Variants in TIAM2 observed in about 807,000 individuals in gnomAD.
TIAM2 encodes the protein rho guanine nucleotide exchange factor TIAM2.
A neutral mutation model predicts 152.9 loss-of-function variants in TIAM2; 80 were observed. The ratio of observed to expected loss-of-function variants is 0.52; its 90% CI spans 0.44 to 0.63. TIAM2 has a LOEUF of 0.63. TIAM2 is among the 30% of genes least tolerant of loss of function. The probability of loss-of-function intolerance (pLI) is 0.00; values close to 1 mark genes in which losing one functional copy is unlikely to be tolerated. For missense variants in TIAM2, 1,965 were observed against 2,120.1 expected (o/e 0.93, Z 1.44); for synonymous variants, 804 against 838.0 (o/e 0.96, Z 0.70).
chr6:155,012,884 C>T (rs898697647), intron 1 of TIAM2, among the ~76,000 whole-genome samples: 4 of 152,236 alleles, frequency 2.6e-5, no homozygotes, highest in African/African-American at 9.6e-5. Context: ...TAAAAACAGA[C>T]ATCTTAAAAT....
Position 155,112,194 on chromosome 6 carries a change from C to T in TIAM2, c.-117-15296C>T, listed in dbSNP as rs183675820. On this transcript the variant is annotated intron_variant, in intron 2 of 26. Transcript: ENST00000682666. The stretch of plus-strand genomic sequence containing the variant: ...AGGCTGGACTGCAGTGATGCGATCT[C>T]GGCTCACTGCAACCTCCGCCTCCCA... 2.7e-3 allele frequency among the ~76,000 whole-genome samples: 400 copies of T among 148,046 alleles called. 5 individuals carry two copies. Among genetic ancestry groups the T allele is most frequent in the Admixed American group, 0.011 (167 of 14,624 alleles).
chr6:155,080,593 C>T (rs1277908299), intron 1 of TIAM2, among the ~76,000 whole-genome samples: 1 of 151,966 alleles, frequency 6.6e-6, no homozygotes, highest in Non-Finnish European at 1.5e-5. Context: ...GTGTGCGCCA[C>T]CATGCCCAGC....
chr6:155,049,170 AACCTAGCT>A (rs1422077413), intron 1 of TIAM2, among the ~76,000 whole-genome samples: 5 of 152,044 alleles, frequency 3.3e-5, no homozygotes, highest in African/African-American at 1.2e-4. Flanking sequence ...CTTTGATTCG[AACCTAGCT>A]ACCAAATGCA....
chr6:155,004,048 T>C (rs1041478514), intron 1 of TIAM2, among the ~76,000 whole-genome samples: 4 of 152,226 alleles, frequency 2.6e-5, no homozygotes, highest in African/African-American at 7.2e-5. Context: ...CTTTGCTTTT[T>C]GTATTTTTAG....
chr6:155,170,803 C>G (rs769120327), intron 9 of TIAM2, among the ~76,000 whole-genome samples: 3 of 152,108 alleles, frequency 2.0e-5, no homozygotes, highest in Non-Finnish European at 4.4e-5. Flanking sequence ...TGTTTTACTC[C>G]TATTTGTTTT....
intron 1 of TIAM2, among the ~76,000 whole-genome samples, chr6:155,047,244 T>A (rs1777196344): frequency 6.6e-6 from 1 of 152,192 alleles, no homozygotes; most frequent in Non-Finnish European, 1.5e-5. Context: ...AGTGGCACGA[T>A]CTTAGCTCAC....
chr6:155,206,909 G>A (rs71575023), intron 14 of TIAM2, among the ~76,000 whole-genome samples: 3,629 of 152,304 alleles, frequency 0.024, 58 homozygotes, highest in Non-Finnish European at 0.042. Flanking sequence ...ATTGGCCAGA[G>A]GCTTTTTCTG....
At chr6:155,217,021 C>T (rs1038894152) in intron 15 of TIAM2, 42 of 1,283,478 alleles carry the variant, frequency 3.3e-5, no homozygotes, top group African/African-American at 9.2e-5. Flanking sequence ...TCCCAACAGC[C>T]GACTTAGATG....
At chr6:155,194,908 A>T (rs775482285) in intron 14 of TIAM2, among the ~76,000 whole-genome samples, 1 of 152,108 alleles carries the variant, frequency 6.6e-6, no homozygotes, top group Non-Finnish European at 1.5e-5. Context: ...ATTAGATCTG[A>T]TCATTTTATA....
chr6:155,225,974 G>T (rs1186202806), intron 15 of TIAM2, among the ~76,000 whole-genome samples: 1 of 152,140 alleles, frequency 6.6e-6, no homozygotes, highest in Non-Finnish European at 1.5e-5. Context: ...CTTAATTAAG[G>T]TTGCCAGGAT....
intron 5 of TIAM2, among the ~76,000 whole-genome samples, chr6:155,138,406 TGTC>T (rs1385935108): frequency 1.3e-5 from 2 of 152,080 alleles, no homozygotes; most frequent in African/African-American, 4.8e-5. Flanking sequence ...GTCTGTTTGT[TGTC>T]ATCACTAACA....
chr6:155,206,870 A>G (rs1373278259), intron 14 of TIAM2, among the ~76,000 whole-genome samples: 1 of 152,226 alleles, frequency 6.6e-6, no homozygotes, highest in African/African-American at 2.4e-5. Context: ...ATAACTCTTG[A>G]CTTGAATTTA....
intron 3 of TIAM2, among the ~76,000 whole-genome samples, chr6:155,128,796 G>T (rs1221176241): frequency 6.6e-6 from 1 of 151,850 alleles, no homozygotes; most frequent in Non-Finnish European, 1.5e-5. Context: ...AGCCTAGGAA[G>T]TCGAGGCTGC....
chr6:155,171,524 A>G (rs1780586793), intron 9 of TIAM2, among the ~76,000 whole-genome samples: 1 of 152,170 alleles, frequency 6.6e-6, no homozygotes, highest in Non-Finnish European at 1.5e-5. Context: ...TGAATGCAGT[A>G]TTGTCATCTT....
At chr6:155,053,878 G>A (rs1777379067) in intron 1 of TIAM2, among the ~76,000 whole-genome samples, 1 of 152,176 alleles carries the variant, frequency 6.6e-6, no homozygotes, top group African/African-American at 2.4e-5. Flanking sequence ...TTTATAGTCA[G>A]CATTAAAACA....
chr6:155,257,190 CAAA>C lies in TIAM2; in HGVS notation c.*88_*90del, dbSNP rs11455127. On this transcript the variant is annotated 3_prime_UTR_variant, in exon 27 of 27. Coordinates refer to ENST00000682666, the MANE Select transcript of TIAM2 (RefSeq NM_012454.4). ...TAAACTGGTGGTAAAGTGGAAATTG[CAAA>C]AAAAAAAAAAAAAAAAAACTGTTCA... 22,152 of 539,280 alleles carry C rather than the reference CAAA, an allele frequency of 0.041. 10 individuals carry two copies. Among genetic ancestry groups the C allele is most frequent in the East Asian group, 0.1 (2,549 of 24,578 alleles). 33.4% of individuals were successfully genotyped at this position (539,280 alleles called of 1,614,324 possible).
chr6:155,109,106 C>G (rs1057496404), intron 2 of TIAM2, among the ~76,000 whole-genome samples: 3 of 152,148 alleles, frequency 2.0e-5, no homozygotes, highest in Admixed American at 1.3e-4. Flanking sequence ...GCCTCAGCCT[C>G]CCGAGTAGCT....
intron 1 of TIAM2, among the ~76,000 whole-genome samples, chr6:155,086,174 C>T (rs1778167688): frequency 6.6e-6 from 1 of 152,168 alleles, no homozygotes; most frequent in Non-Finnish European, 1.5e-5. Context: ...GAGGAAGGCG[C>T]TGAGATCCAA....
At chr6:155,206,569 G>A (rs1781602287) in intron 14 of TIAM2, among the ~76,000 whole-genome samples, 1 of 152,142 alleles carries the variant, frequency 6.6e-6, no homozygotes, top group Admixed American at 6.5e-5. Context: ...AGATGGCCGA[G>A]CCTGGTCTCG....
Sources: gnomAD v4.1 joint callset for allele counts (sites outside exome capture counted in the v4.1 genomes callset) on GRCh38, gnomAD v4.1.1 for gene constraint, MANE v1.5 for transcripts, NCBI Gene and HGNC (gene_info 2026-07-23, HGNC 2026-07-21) for gene names.